Variants in C21orf91 observed in about 807,000 individuals in gnomAD.
C21orf91 encodes the protein chromosome 21 open reading frame 91.
Under a neutral mutation model 32.9 loss-of-function variants are expected in C21orf91, and 26 were observed. That is an observed-to-expected ratio of 0.79 (90% confidence interval 0.58 to 1.10). The LOEUF (loss-of-function observed/expected upper bound fraction) is 1.10, where lower values mean the gene tolerates loss of function less well. C21orf91 is among the 50% of genes least tolerant of loss of function. The pLI, the probability that C21orf91 is intolerant of heterozygous loss-of-function variation, is 0.00. For synonymous variants in C21orf91, 126 were observed against 120.4 expected (o/e 1.05, Z -0.31); for missense variants, 310 against 341.3 (o/e 0.91, Z 0.72).
intron 2 of C21orf91, 22 bp from the exon 3 acceptor site, chr21:17,797,140 A>C (rs774015396): frequency 6.6e-7 from 1 of 1,510,472 alleles, no homozygotes; most frequent in Admixed American, 2.2e-5. Context: ...AAAGAGAAAC[A>C]AAAGACTTGA....
At chr21:17,818,473 C>T in intron 1 of C21orf91, 148 bp from the exon 2 acceptor site, 1 of 655,362 alleles carries the variant, frequency 1.5e-6, no homozygotes, top group South Asian at 1.9e-5. Context: ...CATACTTGCA[C>T]TCCAACATTG....
In C21orf91 at chr21:17,793,400, G is replaced by A. The variant is rs776764072; in HGVS notation, c.*15C>T. On this transcript the variant is annotated 3_prime_UTR_variant, in exon 5 of 5. Coordinates refer to ENST00000284881, the MANE Select transcript of C21orf91 (RefSeq NM_001100420.2). ...ACCAATAAAGGGCAGGGCATACGAAGTAAGTCTGTTTAGGTCAGTTGTTTA... is the reference window on the plus strand; with the variant it reads ...ACCAATAAAGGGCAGGGCATACGAAATAAGTCTGTTTAGGTCAGTTGTTTA... 4.5e-6 allele frequency: 7 copies of A among 1,558,740 alleles called. No individual in the cohort carries two copies. Among genetic ancestry groups the A allele is most frequent in the Non-Finnish European group, 3.5e-6 (4 of 1,144,988 alleles).
At chr21:17,809,348 C>T (rs540639825) in intron 2 of C21orf91, among the ~76,000 whole-genome samples, 6 of 152,228 alleles carry the variant, frequency 3.9e-5, no homozygotes, top group African/African-American at 1.2e-4. Flanking sequence ...CTTAAAGATA[C>T]TGAAGATCCT....
chr21:17,802,237 T>C (rs1293979142), intron 2 of C21orf91, among the ~76,000 whole-genome samples: 1 of 152,228 alleles, frequency 6.6e-6, no homozygotes, highest in African/African-American at 2.4e-5. Flanking sequence ...CTCAGCTCAC[T>C]GCAACCTCTG....
chr21:17,800,803 C>CTT (rs529179711), intron 2 of C21orf91, among the ~76,000 whole-genome samples: 2 of 151,976 alleles, frequency 1.3e-5, no homozygotes, highest in Non-Finnish European at 2.9e-5. Context: ...ATCCATGTCA[C>CTT]TTTTTTTTAA....
At position 17,793,365 on chromosome 21, in the gene C21orf91, T is replaced by C. The variant is rs2062492007; in HGVS notation, c.*50A>G. ...TCTTCAAACTTCTTCAAAGTTTGCA[T>C]GTCTGGGAGACCAATAAAGGGCAGG... On this transcript the variant is annotated 3_prime_UTR_variant, in exon 5 of 5. Transcript: ENST00000284881. 4 of 1,388,042 alleles carry C rather than the reference T, an allele frequency of 2.9e-6. No individual in the cohort carries two copies. The highest frequency in any genetic ancestry group is 2.4e-5 in the Admixed American group (1 of 41,932). The allele number at this position is 1,388,042 out of a possible 1,614,324, so 86.0% of individuals were successfully genotyped here. A position where few individuals can be genotyped will look rare whatever the true frequency, so the allele number is the denominator to read the frequency against.
At chr21:17,813,223 A>C (rs1568756708) in intron 2 of C21orf91, among the ~76,000 whole-genome samples, 2 of 152,184 alleles carry the variant, frequency 1.3e-5, no homozygotes, top group Non-Finnish European at 2.9e-5. Context: ...AAGTGGAAAA[A>C]AGTTAGTGTC....
intron 2 of C21orf91, among the ~76,000 whole-genome samples, chr21:17,798,355 T>G (rs1229221915): frequency 1.3e-5 from 2 of 152,194 alleles, no homozygotes; most frequent in African/African-American, 4.8e-5. Flanking sequence ...ATATATATAG[T>G]ATCAGCCAAT....
rs554277200 is a variant in C21orf91 at position 17,797,206 on chromosome 21, A to G, written c.128-88T>C. 24 of 746,310 alleles carry G rather than the reference A, an allele frequency of 3.2e-5. No individual in the cohort carries two copies. The South Asian group carries it at 4.3e-4, about 13-fold the overall frequency. 46.2% of individuals were successfully genotyped at this position (746,310 alleles called of 1,614,324 possible). On this transcript the variant is annotated intron_variant, in intron 2 of 4. Coordinates refer to ENST00000284881, the MANE Select transcript of C21orf91 (RefSeq NM_001100420.2). Reference sequence around the variant, plus strand: ...AACATACAAATCTTAGTAAAATCAGAGTCCCTGATAGTCTGTGAATTAGAG... The same window carrying G: ...AACATACAAATCTTAGTAAAATCAGGGTCCCTGATAGTCTGTGAATTAGAG...
intron 2 of C21orf91, among the ~76,000 whole-genome samples, chr21:17,797,582 GA>G (rs71189563): frequency 1.4e-3 from 185 of 128,956 alleles, no homozygotes; most frequent in East Asian, 4.7e-3. Flanking sequence ...TATGTTTATT[GA>G]AAAAAAAAAA....
intron 3 of C21orf91, 147 bp downstream of exon 3, chr21:17,796,435 T>C (rs1307318743): frequency 1.6e-6 from 1 of 624,330 alleles, no homozygotes; most frequent in Non-Finnish European, 2.8e-6. Flanking sequence ...TTTTAAGATG[T>C]CTCATTTTTG....
At position 17,793,590 on chromosome 21, in the gene C21orf91, G is replaced by C; in HGVS notation, c.728-9C>G. 6.3e-7 allele frequency: 1 copy of C among 1,590,524 alleles called. No individual in the cohort carries two copies. The highest frequency in any genetic ancestry group is 8.6e-7 in the Non-Finnish European group (1 of 1,164,812). ...TAACTCTTCAAAAACTTCTGTAAAA[G>C]ATTTAAAAACTTTCATTTTTAGTAT... is the stretch of plus-strand genomic sequence containing the variant. On this transcript the variant is annotated splice_polypyrimidine_tract_variant and intron_variant, in intron 4 of 4. Coordinates refer to ENST00000284881, the MANE Select transcript of C21orf91 (RefSeq NM_001100420.2).
chr21:17,798,353 A>G (rs1260741528), intron 2 of C21orf91, among the ~76,000 whole-genome samples: 1 of 152,224 alleles, frequency 6.6e-6, no homozygotes, highest in Non-Finnish European at 1.5e-5. Context: ...AAATATATAT[A>G]GTATCAGCCA....
Position 17,792,064 on chromosome 21 carries a change from G to C in C21orf91, c.*1351C>G, listed in dbSNP as rs2062478455. 1 of 152,088 alleles carries C rather than the reference G, an allele frequency of 6.6e-6. No homozygotes were observed. The highest frequency in any genetic ancestry group is 2.4e-5 in the African/African-American group (1 of 41,434). 9.4% of individuals were successfully genotyped at this position (152,088 alleles called of 1,614,324 possible). ...ATGCATGAAGCTGCCACGTTACTGGGCTTTTCAGCAGATACTTTCAAGCAA... is the reference window on the plus strand; with the variant it reads ...ATGCATGAAGCTGCCACGTTACTGGCCTTTTCAGCAGATACTTTCAAGCAA... On this transcript the variant is annotated 3_prime_UTR_variant, in exon 5 of 5. Coordinates refer to ENST00000284881, the MANE Select transcript of C21orf91 (RefSeq NM_001100420.2).
rs1229230479 is a variant in C21orf91 at position 17,795,233 on chromosome 21, A to G, written c.702T>C (p.Asn234=). The G allele has an allele frequency of 1.2e-6, 2 of 1,611,830 alleles. No homozygotes were observed. Among genetic ancestry groups the G allele is most frequent in the Non-Finnish European group, 8.5e-7 (1 of 1,178,068 alleles). The change falls in exon 4 of 5, where the codon AAT becomes AAC. Residue 234 remains asparagine (N), a synonymous_variant. Coordinates refer to ENST00000284881, the MANE Select transcript of C21orf91 (RefSeq NM_001100420.2). ...SMTLGEVEQL[N]AKLLQQIQEV... ...CCTGGATTTGCTGTAGGAGCTTTGC[A>G]TTCAGTTGCTCTACCTCACCAAGAG...
chr21:17,796,585 C>CCT lies in C21orf91; in HGVS notation c.659_660dup (p.Glu221ArgfsTer3). ...CTTTTCTCCCCATTTTACTTACATT[C>CCT]CTCTCTGCTGTAATGTGGATGCTGG... On this transcript the variant is annotated frameshift_variant, in exon 3 of 5. Coordinates refer to ENST00000284881, the MANE Select transcript of C21orf91 (RefSeq NM_001100420.2). LOFTEE classifies it high-confidence loss of function. 1 of 1,600,670 alleles carries CCT rather than the reference C, an allele frequency of 6.2e-7. No individual in the cohort carries two copies. Among genetic ancestry groups the CCT allele is most frequent in the Non-Finnish European group, 8.5e-7 (1 of 1,172,482 alleles).
chr21:17,795,341 A>T, intron 3 of C21orf91, 71 bp from the exon 4 acceptor site: 6 of 990,968 alleles, frequency 6.1e-6, no homozygotes, highest in Middle Eastern at 2.1e-4. Context: ...TCACCAACAC[A>T]ATATCCTATT....
chr21:17,808,075 T>G (rs992561780), intron 2 of C21orf91, among the ~76,000 whole-genome samples: 1 of 152,156 alleles, frequency 6.6e-6, no homozygotes, highest in Admixed American at 6.5e-5. Context: ...TCAGAGACCT[T>G]TGTTGCAGCC....
chr21:17,813,278 A>G lies in C21orf91; in HGVS notation c.127+4914T>C, dbSNP rs561978445. Reference sequence around the variant, plus strand: ...ACAGTTTATGTTCCCTTCGAGTAATAAACAACCAGTTCTAACTTCCAAACC... The same window carrying G: ...ACAGTTTATGTTCCCTTCGAGTAATGAACAACCAGTTCTAACTTCCAAACC... On this transcript the variant is annotated intron_variant, in intron 2 of 4. Transcript: ENST00000284881. Among the ~76,000 whole-genome samples, 3 of 152,318 alleles carry G rather than the reference A, an allele frequency of 2.0e-5. No individual in the cohort carries two copies. In the South Asian group the frequency reaches 6.2e-4, roughly 32 times the overall value.
Sources: gnomAD v4.1 joint callset for allele counts (sites outside exome capture counted in the v4.1 genomes callset) on GRCh38, gnomAD v4.1.1 for gene constraint, MANE v1.5 for transcripts, NCBI Gene and HGNC (gene_info 2026-07-23, HGNC 2026-07-21) for gene names.